The following FXR2 variants were observed in gnomAD, a reference collection of about 807,000 sequenced individuals.
The protein encoded by FXR2 is FMR1 autosomal homolog 2.
Under a neutral mutation model 87.3 loss-of-function variants are expected in FXR2, and 9 were observed. The observed-to-expected ratio is 0.10, with a 90% CI of 0.06 to 0.18. The LOEUF is 0.18. Ranked by LOEUF, FXR2 falls within the 10% of genes least tolerant of loss-of-function variation. The pLI is 1.00. For synonymous variants in FXR2, 331 were observed against 328.3 expected (o/e 1.01, Z -0.09); for missense variants, 661 against 893.6 (o/e 0.74, Z 3.32).
rs1245634700 is a variant in FXR2 at position 7,593,173 on chromosome 17, A to C, written c.1339T>G (p.Ser447Ala). 1.3e-6 allele frequency: 2 copies of C among 1,521,644 alleles called. No individual in the cohort carries two copies. 94.3% of individuals were successfully genotyped at this position (1,521,644 alleles called of 1,614,324 possible). Residue 447 changes from serine to alanine, a missense_variant, in exon 13 of 17, where the codon TCA becomes GCA. This residue lies in a region of FXR2 where 409 missense variants were observed against 432.0 expected (regional missense o/e 0.95). Transcript: ENST00000250113. The surrounding 1 kb of genome is among the most constrained non-coding windows in gnomAD (Gnocchi z 6.1). The part of the protein sequence containing the change: ...RTGGPAYGPS[S>A]DVSTASETES... ...GTCTCTGAAGCTGTAGACACATCTG[A>C]GCTGGGGCCTGAAGAACACAATGGG...
chr17:7,605,369 A>AAAC (rs760006202), intron 3 of FXR2, among the ~76,000 whole-genome samples: 170 of 152,138 alleles, frequency 1.1e-3, no homozygotes, highest in Non-Finnish European at 1.1e-3. Flanking sequence ...CTCCATCTCA[A>AAAC]AACAACAACA....
Position 7,593,346 on chromosome 17 carries a change from C to T in FXR2, c.1330+57G>A, listed in dbSNP as rs1189118017. The T allele has an allele frequency of 2.2e-6, 3 of 1,379,744 alleles. No individual in the cohort carries two copies. The highest frequency in any genetic ancestry group is 3.0e-6 in the Non-Finnish European group (3 of 997,844). The allele number at this position is 1,379,744 out of a possible 1,614,324, so 85.5% of individuals were successfully genotyped here. A position where few individuals can be genotyped will look rare whatever the true frequency, so the allele number is the denominator to read the frequency against. ...TTTCCCCAAACTTCCATCCAGACCTCTGCCTCTACCCACAAGCCCTGCCAC... is the reference window on the plus strand; with the variant it reads ...TTTCCCCAAACTTCCATCCAGACCTTTGCCTCTACCCACAAGCCCTGCCAC... On this transcript the variant is annotated intron_variant, in intron 12 of 16. Transcript: ENST00000250113. This position sits in a 1 kb window ranked among gnomAD's most constrained non-coding sequence, Gnocchi z 6.1.
At position 7,591,457 on chromosome 17, in the gene FXR2, GGGA is replaced by G. The variant is rs1348569845; in HGVS notation, c.*370_*372del. The G allele has an allele frequency of 3.8e-6, 1 of 260,710 alleles. No individual in the cohort carries two copies. The highest frequency in any genetic ancestry group is 7.6e-6 in the Non-Finnish European group (1 of 131,598). The allele number at this position is 260,710 out of a possible 1,614,324, so 16.1% of individuals were successfully genotyped here. A position where few individuals can be genotyped will look rare whatever the true frequency, so the allele number is the denominator to read the frequency against. ...GCCCCAGAAATGGGGGGTACAGGAT[GGGA>G]GGAGGGATAGCAGGGGAGGCCCCCT... On this transcript the variant is annotated 3_prime_UTR_variant, in exon 17 of 17. Transcript: ENST00000250113. The surrounding 1 kb of genome is among the most constrained non-coding windows in gnomAD (Gnocchi z 4.0).
intron 1 of FXR2, among the ~76,000 whole-genome samples, chr17:7,611,236 T>G (rs2071861833): frequency 6.6e-6 from 1 of 151,844 alleles, no homozygotes; most frequent in African/African-American, 2.4e-5. Context: ...CGGTGAGGTA[T>G]GCCTCCCTCA....
intron 1 of FXR2, chr17:7,614,044 G>A (rs1414445565): frequency 2.1e-6 from 1 of 465,360 alleles, no homozygotes; most frequent in Non-Finnish European, 4.3e-6. Flanking sequence ...CTTCCCAAAG[G>A]GACCGTGTGG....
At chr17:7,596,360 G>C (rs530954786) in intron 7 of FXR2, 1 of 160,128 alleles carries the variant, frequency 6.2e-6, no homozygotes, top group South Asian at 1.6e-4. Flanking sequence ...GTTTCACCAT[G>C]TTGGCCAGGC....
rs945618301 is a variant in FXR2, at chr17:7,591,943, A to T, written c.1927-18T>A. The T allele has an allele frequency of 6.1e-6, 9 of 1,463,566 alleles. No homozygotes were observed. Among genetic ancestry groups the T allele is most frequent in the Non-Finnish European group, 8.6e-6 (9 of 1,047,690 alleles). 90.7% of individuals were successfully genotyped at this position (1,463,566 alleles called of 1,614,324 possible). ...GAGTCACCCTGAGGGGAAAGTGGGA[A>T]AGAAAACAGAAAAGCAAGAAGCGGT... On this transcript the variant is annotated intron_variant, in intron 16 of 16. Coordinates refer to ENST00000250113, the MANE Select transcript of FXR2 (RefSeq NM_004860.4). The surrounding 1 kb of genome is among the most constrained non-coding windows in gnomAD (Gnocchi z 4.0).
At chr17:7,600,251 T>G (rs1032830351) in intron 7 of FXR2, among the ~76,000 whole-genome samples, 3 of 150,366 alleles carry the variant, frequency 2.0e-5, no homozygotes, top group Non-Finnish European at 4.4e-5. Context: ...CAGGCTGAAG[T>G]GCAATGGCGC....
At chr17:7,605,923 G>A (rs1275275345) in intron 2 of FXR2, 174 bp downstream of exon 2, 8 of 641,316 alleles carry the variant, frequency 1.2e-5, no homozygotes, top group Non-Finnish European at 2.2e-5. Context: ...TGGGTCAAAT[G>A]CCCCCACCCT....
chr17:7,611,782 T>A lies in FXR2; in HGVS notation c.81+2670A>T, dbSNP rs139160117. Reference sequence around the variant, plus strand: ...TTCCAGAAGCAGTGTAAATACTCCCTGACCCATCCCAAGTTTGCTGAGTCA... The same window carrying A: ...TTCCAGAAGCAGTGTAAATACTCCCAGACCCATCCCAAGTTTGCTGAGTCA... On this transcript the variant is annotated intron_variant, in intron 1 of 16. Coordinates refer to ENST00000250113, the MANE Select transcript of FXR2 (RefSeq NM_004860.4). 3.1e-3 allele frequency among the ~76,000 whole-genome samples: 466 copies of A among 152,320 alleles called. 1 individual carries two copies. Among genetic ancestry groups the A allele is most frequent in the Non-Finnish European group, 5.1e-3 (346 of 68,032 alleles).
intron 1 of FXR2, among the ~76,000 whole-genome samples, chr17:7,609,266 T>C (rs781376228): frequency 2.6e-5 from 4 of 152,346 alleles, no homozygotes; most frequent in East Asian, 3.9e-4. Flanking sequence ...TCCCACCTCA[T>C]AGAACTAATC....
Position 7,592,920 on chromosome 17 carries a change from T to A in FXR2, c.1529-26A>T, listed in dbSNP as rs895159329. 1.9e-6 allele frequency: 3 copies of A among 1,549,694 alleles called. No homozygotes were observed. Among genetic ancestry groups the A allele is most frequent in the Non-Finnish European group, 2.6e-6 (3 of 1,147,164 alleles). On this transcript the variant is annotated intron_variant, in intron 13 of 16. Coordinates refer to ENST00000250113, the MANE Select transcript of FXR2 (RefSeq NM_004860.4). The surrounding 1 kb of genome is among the most constrained non-coding windows in gnomAD (Gnocchi z 4.8). ...CTGGTCAGAGGAAGAAGAGGAGGAG[T>A]TGGCAGTCAGGTGCCCATCATCTTT...
chr17:7,600,301 C>T (rs561692978), intron 7 of FXR2, among the ~76,000 whole-genome samples: 5 of 152,042 alleles, frequency 3.3e-5, no homozygotes, highest in South Asian at 2.1e-4. Flanking sequence ...CAGGTTCAAG[C>T]GATTCTCCTG....
Position 7,593,393 on chromosome 17 carries a change from A to G in FXR2, c.1330+10T>C. The stretch of plus-strand genomic sequence containing the variant: ...CCACTCCTTGCCTCCTGTTCCCATA[A>G]CTGTCTCACCATAGGCAGGACCGCC... On this transcript the variant is annotated intron_variant, in intron 12 of 16. Coordinates refer to ENST00000250113, the MANE Select transcript of FXR2 (RefSeq NM_004860.4). This position sits in a 1 kb window ranked among gnomAD's most constrained non-coding sequence, Gnocchi z 6.1. 1 of 1,551,380 alleles carries G rather than the reference A, an allele frequency of 6.4e-7. No individual in the cohort carries two copies. The highest frequency in any genetic ancestry group is 8.7e-7 in the Non-Finnish European group (1 of 1,144,416).
intron 1 of FXR2, among the ~76,000 whole-genome samples, chr17:7,607,925 T>C (rs1368711774): frequency 1.3e-5 from 2 of 152,060 alleles, no homozygotes; most frequent in East Asian, 3.9e-4. Flanking sequence ...CCCAAGTAGC[T>C]GGGATTACAG....
rs1422034369 is a variant in FXR2 at position 7,595,707 on chromosome 17, G to A, written c.831+117C>T. The A allele has an allele frequency of 6.8e-6, 5 of 738,720 alleles. No individual in the cohort carries two copies. Among genetic ancestry groups the A allele is most frequent in the Non-Finnish European group, 1.1e-5 (5 of 446,800 alleles). 45.8% of individuals were successfully genotyped at this position (738,720 alleles called of 1,614,324 possible). A position where few individuals can be genotyped will look rare whatever the true frequency, so the allele number is the denominator to read the frequency against. ...AAGTGATCCTCTCACTTTGACCTCC[G>A]AAGGTGCTGGGATTACAGGTGTGAG... On this transcript the variant is annotated intron_variant, in intron 8 of 16. Coordinates refer to ENST00000250113, the MANE Select transcript of FXR2 (RefSeq NM_004860.4). This position sits in a 1 kb window ranked among gnomAD's most constrained non-coding sequence, Gnocchi z 4.7.
intron 1 of FXR2, among the ~76,000 whole-genome samples, chr17:7,609,989 T>TATAC (rs1567753975): frequency 2.8e-5 from 4 of 142,060 alleles, no homozygotes; most frequent in African/African-American, 5.2e-5. Flanking sequence ...CATATATATA[T>TATAC]ACATGTATAT....
chr17:7,610,013 T>C lies in FXR2; in HGVS notation c.82-3864A>G, dbSNP rs867196716. Among the ~76,000 whole-genome samples, 8 of 139,474 alleles carry C rather than the reference T, an allele frequency of 5.7e-5. 1 individual carries two copies. The highest frequency in any genetic ancestry group is 7.8e-3 in the Middle Eastern group (2 of 258). 91.5% of individuals were successfully genotyped at this position (139,474 alleles called of 152,430 possible). On this transcript the variant is annotated intron_variant, in intron 1 of 16. Transcript: ENST00000250113. Reference sequence around the variant, plus strand: ...ATACATGTATATGTATACATATATATATACATGTATATGTATACATGTATG... The same window carrying C: ...ATACATGTATATGTATACATATATACATACATGTATATGTATACATGTATG...
rs895159329 is a variant in FXR2, at chr17:7,592,920, T to G, written c.1529-26A>C. ...CTGGTCAGAGGAAGAAGAGGAGGAG[T>G]TGGCAGTCAGGTGCCCATCATCTTT... On this transcript the variant is annotated intron_variant, in intron 13 of 16. Coordinates refer to ENST00000250113, the MANE Select transcript of FXR2 (RefSeq NM_004860.4). The surrounding 1 kb of genome is among the most constrained non-coding windows in gnomAD (Gnocchi z 4.8). The G allele has an allele frequency of 2.6e-6, 4 of 1,549,696 alleles. No homozygotes were observed. Among genetic ancestry groups the G allele is most frequent in the Non-Finnish European group, 2.6e-6 (3 of 1,147,166 alleles).
Sources: allele counts gnomAD v4.1 joint callset (sites outside exome capture counted in the v4.1 genomes callset), GRCh38; gene constraint gnomAD v4.1.1; regional missense constraint gnomAD v4.1.1; non-coding constraint Gnocchi (gnomAD v3.1); transcripts MANE v1.5; gene names NCBI Gene and HGNC (gene_info 2026-07-23, HGNC 2026-07-21).